Variants in FAM168A observed in about 807,000 individuals in gnomAD.
The protein encoded by FAM168A is protein FAM168A.
In FAM168A, 3 loss-of-function variants were observed where a neutral mutation model predicts 28.5. The observed-to-expected ratio is 0.11, with a 90% confidence interval of 0.05 to 0.27. The LOEUF (loss-of-function observed/expected upper bound fraction) is 0.27, where lower values mean the gene tolerates loss of function less well. Ranked by LOEUF, FAM168A falls within the 10% of genes least tolerant of loss-of-function variation. The pLI is 1.00. For synonymous variants in FAM168A, 122 were observed against 124.2 expected, an observed-to-expected ratio of 0.98 and a Z score of 0.12; for missense variants, 222 against 311.5, an observed-to-expected ratio of 0.71 and a Z score of 2.16.
chr11:73,529,617 A>T (rs549532572), intron 1 of FAM168A, among the ~76,000 whole-genome samples: 1 of 152,182 alleles, frequency 6.6e-6, no homozygotes, highest in African/African-American at 2.4e-5. Flanking sequence ...CATGACAGGC[A>T]CAAGAAAAAT....
chr11:73,563,240 C>G (rs1416889271), intron 1 of FAM168A, among the ~76,000 whole-genome samples: 1 of 152,176 alleles, frequency 6.6e-6, no homozygotes, highest in East Asian at 1.9e-4. Context: ...AAGGCTCCAT[C>G]ACATTTATTT....
intron 1 of FAM168A, among the ~76,000 whole-genome samples, chr11:73,525,645 C>T (rs1438719087): frequency 6.6e-6 from 1 of 152,176 alleles, no homozygotes; most frequent in African/African-American, 2.4e-5. Flanking sequence ...CCTCTAATAC[C>T]TAGGCTAGGG....
chr11:73,540,133 T>A (rs573112204), intron 1 of FAM168A, among the ~76,000 whole-genome samples: 1 of 152,280 alleles, frequency 6.6e-6, no homozygotes, highest in Admixed American at 6.5e-5. Flanking sequence ...CTCAGAGAAA[T>A]TACCTAGTAA....
intron 1 of FAM168A, among the ~76,000 whole-genome samples, chr11:73,589,402 G>A (rs1197978561): frequency 6.0e-5 from 9 of 151,086 alleles, no homozygotes; most frequent in South Asian, 2.1e-4. Flanking sequence ...TAACATGGGC[G>A]TCCAACCTTT....
At chr11:73,425,081 C>CT in intron 3 of FAM168A, 2 of 1,511,488 alleles carry the variant, frequency 1.3e-6, no homozygotes, top group Non-Finnish European at 1.8e-6. Context: ...GAAATTACCA[C>CT]TAAGAATTTG....
intron 1 of FAM168A, among the ~76,000 whole-genome samples, chr11:73,516,100 T>A (rs3103925): frequency 0.98 from 145,609 of 148,044 alleles, 71,595 homozygotes; most frequent in East Asian, 1. Context: ...ACTCTGCCTT[T>A]AAAAAAAAAA....
chr11:73,585,561 A>G (rs1035546555), intron 1 of FAM168A, among the ~76,000 whole-genome samples: 2 of 152,140 alleles, frequency 1.3e-5, no homozygotes, highest in African/African-American at 4.8e-5. Flanking sequence ...ATAGTTTTAC[A>G]TTTATCATCA....
chr11:73,536,507 G>C (rs1010873056), intron 1 of FAM168A, among the ~76,000 whole-genome samples: 1 of 152,098 alleles, frequency 6.6e-6, no homozygotes, highest in Non-Finnish European at 1.5e-5. Context: ...GACCAACATG[G>C]AGAAACCCCA....
At chr11:73,576,755 G>C (rs989897111) in intron 1 of FAM168A, among the ~76,000 whole-genome samples, 6 of 152,100 alleles carry the variant, frequency 3.9e-5, no homozygotes, top group African/African-American at 1.4e-4. Flanking sequence ...CACCCAGGAG[G>C]GAAGAATCTG....
At chr11:73,589,213 T>C (rs186233455) in intron 1 of FAM168A, among the ~76,000 whole-genome samples, 69 of 152,236 alleles carry the variant, frequency 4.5e-4, no homozygotes, top group African/African-American at 1.7e-3. Flanking sequence ...GGGTAAAAGA[T>C]CTAACAAAGT....
intron 2 of FAM168A, among the ~76,000 whole-genome samples, chr11:73,460,899 T>C (rs1402196617): frequency 6.6e-6 from 1 of 152,240 alleles, no homozygotes; most frequent in East Asian, 1.9e-4. Flanking sequence ...GAGAGTTACC[T>C]TGTTTAAAGA....
intron 1 of FAM168A, among the ~76,000 whole-genome samples, chr11:73,538,515 C>T (rs1230105913): frequency 6.6e-6 from 1 of 152,150 alleles, no homozygotes; most frequent in African/African-American, 2.4e-5. Context: ...AAATTACTGC[C>T]AGTCAGGCAC....
At chr11:73,504,427 G>T (rs552449207) in intron 1 of FAM168A, among the ~76,000 whole-genome samples, 1 of 152,292 alleles carries the variant, frequency 6.6e-6, no homozygotes, top group South Asian at 2.1e-4. Context: ...GATCATCAGA[G>T]AAATGCAAAT....
At position 73,433,732 on chromosome 11, in the gene FAM168A, T is replaced by C. The variant is rs1368257830; in HGVS notation, c.71-2962A>G. 5.3e-5 allele frequency among the ~76,000 whole-genome samples: 8 copies of C among 152,298 alleles called. No individual in the cohort carries two copies. In the East Asian group the frequency reaches 1.5e-3, roughly 29 times the overall value. The stretch of plus-strand genomic sequence containing the variant: ...TGCCTGTTTTAGTTGTTTGAAAATT[T>C]CATTTTTATAATAGCTAACAAACTA... On this transcript the variant is annotated intron_variant, in intron 2 of 7. Coordinates refer to ENST00000356467, the MANE Select transcript of FAM168A (RefSeq NM_015159.3).
At chr11:73,489,635 C>G (rs762505121) in intron 1 of FAM168A, among the ~76,000 whole-genome samples, 1 of 151,984 alleles carries the variant, frequency 6.6e-6, no homozygotes, top group Non-Finnish European at 1.5e-5. Context: ...CTCAGCCTCC[C>G]GAGTAGCTGG....
chr11:73,474,827 C>T (rs1458529171), intron 1 of FAM168A, among the ~76,000 whole-genome samples: 1 of 152,150 alleles, frequency 6.6e-6, no homozygotes, highest in Non-Finnish European at 1.5e-5. Flanking sequence ...CAAAATAAAA[C>T]TGTGAAAAAA....
chr11:73,455,644 A>C (rs1295093334), intron 2 of FAM168A, among the ~76,000 whole-genome samples: 1 of 152,244 alleles, frequency 6.6e-6, no homozygotes, highest in Non-Finnish European at 1.5e-5. Flanking sequence ...AAGAACACAC[A>C]ATCACTGTGT....
chr11:73,415,135 T>A (rs553408752), intron 4 of FAM168A, among the ~76,000 whole-genome samples: 1 of 152,356 alleles, frequency 6.6e-6, no homozygotes, highest in South Asian at 2.1e-4. Flanking sequence ...CCTTTCTTCA[T>A]GTTATGAAAT....
chr11:73,435,138 A>G (rs1867065602), intron 2 of FAM168A, among the ~76,000 whole-genome samples: 1 of 152,224 alleles, frequency 6.6e-6, no homozygotes, highest in African/African-American at 2.4e-5. Flanking sequence ...CTTTGTTAAT[A>G]TGCCTTTCCC....
Sources: allele counts gnomAD v4.1 joint callset (sites outside exome capture counted in the v4.1 genomes callset), GRCh38; gene constraint gnomAD v4.1.1; transcripts MANE v1.5; gene names NCBI Gene and HGNC (gene_info 2026-07-23, HGNC 2026-07-21).